The following GCKR variants were observed in gnomAD, a reference collection of about 807,000 sequenced individuals.
GCKR encodes the protein glucokinase regulatory protein.
In GCKR, 73 loss-of-function variants were observed where a neutral mutation model predicts 82.9. The observed-to-expected ratio is 0.88, with a 90% CI of 0.73 to 1.07. The LOEUF (loss-of-function observed/expected upper bound fraction) is 1.07. GCKR is among the 50% of genes least tolerant of loss of function. The pLI is 0.00. For missense variants in GCKR, 784 were observed against 782.1 expected (o/e 1.00, Z -0.03); for synonymous variants, 294 against 291.8 (o/e 1.01, Z -0.08).
At chr2:27,508,391 G>T in intron 16 of GCKR, 140 bp downstream of exon 16, 1 of 680,346 alleles carries the variant, frequency 1.5e-6, no homozygotes. Context: ...CAAGGTCATG[G>T]GTTACCAGGT....
chr2:27,498,652 T>G lies in GCKR; in HGVS notation c.355-72T>G, dbSNP rs1217183740. On this transcript the variant is annotated intron_variant, in intron 4 of 18. Coordinates refer to ENST00000264717, the MANE Select transcript of GCKR (RefSeq NM_001486.4). Reference sequence around the variant, plus strand: ...GAATCATTATATAGTCTCTGCCCTCTAGGAGTTGAAAATCCAAGATAATTG... The same window carrying G: ...GAATCATTATATAGTCTCTGCCCTCGAGGAGTTGAAAATCCAAGATAATTG... 16 of 918,390 alleles carry G rather than the reference T, an allele frequency of 1.7e-5. No homozygotes were observed. In the East Asian group the frequency reaches 3.3e-4, roughly 19 times the overall value. The allele number at this position is 918,390 out of a possible 1,614,324, so 56.9% of individuals were successfully genotyped here. A position where few individuals can be genotyped will look rare whatever the true frequency, so the allele number is the denominator to read the frequency against.
At chr2:27,515,298 CAG>C (rs532054304) in intron 16 of GCKR, among the ~76,000 whole-genome samples, 332 of 149,546 alleles carry the variant, frequency 2.2e-3, no homozygotes, top group Non-Finnish European at 3.5e-3. Context: ...TTTTTTGAGA[CAG>C]GGTCTCATTC....
rs1230682950 is a variant in GCKR at position 27,508,137 on chromosome 2, G to T, written c.1339-31G>T. 3 of 1,585,772 alleles carry T rather than the reference G, an allele frequency of 1.9e-6. No homozygotes were observed. In the South Asian group the frequency reaches 3.3e-5, roughly 18 times the overall value. ...GTTGCAGCCAGGCCTTCCTGGAGAT[G>T]CCTCTCCTGCTCCTCTTTCTCTCTC... On this transcript the variant is annotated intron_variant, in intron 15 of 18. Transcript: ENST00000264717.
intron 17 of GCKR, among the ~76,000 whole-genome samples, chr2:27,520,615 T>C (rs1252454288): frequency 6.6e-6 from 1 of 152,236 alleles, no homozygotes; most frequent in Non-Finnish European, 1.5e-5. Context: ...GTGGCTAATG[T>C]GACTGAGGAA....
chr2:27,522,891 G>T (rs1670184361), intron 18 of GCKR, among the ~76,000 whole-genome samples: 1 of 137,320 alleles, frequency 7.3e-6, no homozygotes, highest in South Asian at 2.6e-4. Context: ...ACTCCTCCAG[G>T]GTTCTGTTTT....
chr2:27,508,035 C>G lies in GCKR; in HGVS notation c.1299C>G (p.Ile433Met). 6.2e-7 allele frequency: 1 copy of G among 1,613,994 alleles called. No homozygotes were observed. Among genetic ancestry groups the G allele is most frequent in the Non-Finnish European group, 8.5e-7 (1 of 1,179,858 alleles). Residue 433 changes from isoleucine (I) to methionine (M), a missense_variant, in exon 15 of 19, where the codon ATC becomes ATG. Ile to Met is a conservative substitution (Grantham distance 10, BLOSUM62 1). Transcript: ENST00000264717. ...VEQVKEKTNHIQALAHSTVGQ... is the reference protein window; with the variant it reads ...VEQVKEKTNHMQALAHSTVGQ... ...AGGTGAAAGAGAAGACCAACCACAT[C>G]CAGGCCCTGGCACACAGCACCGTGG...
intron 13 of GCKR, 164 bp from the exon 14 acceptor site, chr2:27,507,517 C>G (rs1185460343): frequency 5.9e-6 from 4 of 679,498 alleles, no homozygotes; most frequent in Non-Finnish European, 1.1e-5. Context: ...CCCTAGTCCA[C>G]TGACTTGTTA....
intron 5 of GCKR, 27 bp from the exon 6 acceptor site, chr2:27,499,115 C>T: frequency 6.9e-7 from 1 of 1,446,352 alleles, no homozygotes; most frequent in Non-Finnish European, 9.7e-7. Context: ...CCAGCCACTG[C>T]CACTGACCTT....
intron 16 of GCKR, among the ~76,000 whole-genome samples, chr2:27,516,572 G>A (rs1217516457): frequency 6.6e-6 from 1 of 152,078 alleles, no homozygotes; most frequent in Non-Finnish European, 1.5e-5. Flanking sequence ...TGGGATTATA[G>A]GCGTGAGCCA....
chr2:27,508,173 T>C lies in GCKR; in HGVS notation c.1344T>C (p.Pro448=), dbSNP rs777709190. The C allele has an allele frequency of 6.2e-7, 1 of 1,610,460 alleles. No homozygotes were observed. Among genetic ancestry groups the C allele is most frequent in the East Asian group, 2.2e-5 (1 of 44,812 alleles). The part of the protein sequence containing the change: ...HSTVGQTLLI[P]LKKLFPSIIS... ...TCCTCTTTCTCTCTCTCCAGATCCC[T>C]CTGAAGAAGCTCTTTCCCTCCATCA... The change falls in exon 16 of 19, where the codon CCT becomes CCC. Residue 448 remains proline (P), a synonymous_variant. Transcript: ENST00000264717.
intron 16 of GCKR, among the ~76,000 whole-genome samples, chr2:27,512,534 C>CAA (rs112331095): frequency 1.5e-4 from 14 of 92,102 alleles, no homozygotes; most frequent in Non-Finnish European, 2.2e-4. Flanking sequence ...GACTCCATCT[C>CAA]AAAAAAAAAA....
At chr2:27,507,337 A>G in intron 13 of GCKR, 26 bp downstream of exon 13, 1 of 1,438,986 alleles carries the variant, frequency 6.9e-7, no homozygotes, top group Non-Finnish European at 9.8e-7. Flanking sequence ...GACTTGGGGA[A>G]GCTGGGGAGA....
At chr2:27,513,730 A>C (rs1669940951) in intron 16 of GCKR, among the ~76,000 whole-genome samples, 1 of 152,094 alleles carries the variant, frequency 6.6e-6, no homozygotes, top group Non-Finnish European at 1.5e-5. Flanking sequence ...TGTCCTTGTG[A>C]CATATCCACA....
intron 5 of GCKR, 61 bp downstream of exon 5, chr2:27,498,858 G>A: frequency 1.0e-6 from 1 of 976,524 alleles, no homozygotes; most frequent in South Asian, 1.3e-5. Flanking sequence ...TAGAAATTGA[G>A]TTGGAATACC....
At chr2:27,515,191 T>C (rs1421136904) in intron 16 of GCKR, among the ~76,000 whole-genome samples, 3 of 152,172 alleles carry the variant, frequency 2.0e-5, no homozygotes, top group Non-Finnish European at 2.9e-5. Context: ...TTGGCCAGGC[T>C]GGTCTCGAAC....
chr2:27,521,987 G>A (rs897734314), intron 17 of GCKR, among the ~76,000 whole-genome samples: 6 of 152,144 alleles, frequency 3.9e-5, no homozygotes, highest in African/African-American at 1.4e-4. Context: ...ACCTCCCAAA[G>A]TGCTGGGATT....
chr2:27,506,822 T>G lies in GCKR; in HGVS notation c.1003T>G (p.Trp335Gly), dbSNP rs1669759303. The part of the protein sequence containing the change: ...EKKGHVYLVG[W>G]QTLGIIAIMD... ...GAAAGGCCACGTGTACCTGGTTGGC[T>G]GGCAGACCCTGGGCATCATTGCCAT... is the stretch of plus-strand genomic sequence containing the variant. Residue 335 changes from tryptophan (W) to glycine (G), a missense_variant, in exon 12 of 19, where the codon TGG becomes GGG. Trp to Gly is a radical substitution (Grantham distance 184, BLOSUM62 -2). Coordinates refer to ENST00000264717, the MANE Select transcript of GCKR (RefSeq NM_001486.4). 1 of 1,613,530 alleles carries G rather than the reference T, an allele frequency of 6.2e-7. No homozygotes were observed. The highest frequency in any genetic ancestry group is 8.5e-7 in the Non-Finnish European group (1 of 1,179,542).
Position 27,507,979 on chromosome 2 carries a change from A to C in GCKR, c.1243A>C (p.Asn415His), listed in dbSNP as rs1282396032. Residue 415 changes from asparagine (N) to histidine (H), a missense_variant and splice_region_variant, in exon 15 of 19, where the codon AAC (asparagine) becomes CAC (histidine). Coordinates refer to ENST00000264717, the MANE Select transcript of GCKR (RefSeq NM_001486.4). ...TVVFIFTLDD[N>H]LTEVQTIVEQ... ...CTGATGCCCTCCCCTTCTCCTAGAC[A>C]ACCTCACGGAGGTGCAGACTATAGT... 1 of 1,608,366 alleles carries C rather than the reference A, an allele frequency of 6.2e-7. No homozygotes were observed. The highest frequency in any genetic ancestry group is 1.3e-5 in the African/African-American group (1 of 74,768).
intron 17 of GCKR, among the ~76,000 whole-genome samples, chr2:27,519,326 G>GGGTCTTGCTCTATCGCCC (rs1463604032): frequency 6.6e-6 from 1 of 150,834 alleles, no homozygotes; most frequent in Non-Finnish European, 1.5e-5. Context: ...TTTTGAGATG[G>GGGTCTTGCTCTATCGCCC]GGTCTTGCTC....
Sources: gnomAD v4.1 joint callset for allele counts (sites outside exome capture counted in the v4.1 genomes callset) on GRCh38, gnomAD v4.1.1 for gene constraint, MANE v1.5 for transcripts, NCBI Gene and HGNC (gene_info 2026-07-23, HGNC 2026-07-21) for gene names.